Variants in ACTL6A observed in about 807,000 individuals in gnomAD.
ACTL6A encodes actin-like protein 6A.
Under a neutral mutation model 59.2 loss-of-function variants are expected in ACTL6A, and 5 were observed. That is an observed-to-expected ratio of 0.08 (90% CI 0.04 to 0.18). ACTL6A has a LOEUF of 0.18. Among genes scored for constraint, ACTL6A ranks in the 10% least tolerant of loss-of-function variants. ACTL6A has a pLI of 1.00. For missense variants in ACTL6A, 285 were observed against 526.9 expected (o/e 0.54, Z 4.49); for synonymous variants, 154 against 171.8 (o/e 0.90, Z 0.81).
chr3:179,580,776 G>A (rs1718313011), intron 9 of ACTL6A, 75 bp downstream of exon 9: 2 of 1,364,594 alleles, frequency 1.5e-6, no homozygotes, highest in African/African-American at 3.0e-5. Flanking sequence ...ATTGAATAAT[G>A]TTTAAAATAT....
intron 4 of ACTL6A, among the ~76,000 whole-genome samples, chr3:179,573,948 T>C (rs971835579): frequency 2.6e-5 from 4 of 152,212 alleles, no homozygotes; most frequent in Admixed American, 6.5e-5. Flanking sequence ...GGTCATAAAT[T>C]ATCAGTATCT....
intron 1 of ACTL6A, 121 bp downstream of exon 1, chr3:179,563,238 C>T: frequency 7.6e-6 from 11 of 1,444,778 alleles, no homozygotes; most frequent in South Asian, 2.7e-5. Context: ...GGACCCCGGC[C>T]TCCCCGCCCC....
chr3:179,580,011 G>A (rs187408439), intron 8 of ACTL6A, among the ~76,000 whole-genome samples: 1 of 152,230 alleles, frequency 6.6e-6, no homozygotes, highest in Admixed American at 6.5e-5. Flanking sequence ...GGCCTCAAGC[G>A]ATCCTCCTGT....
chr3:179,582,085 T>C (rs1378366790), intron 11 of ACTL6A, among the ~76,000 whole-genome samples: 2 of 152,250 alleles, frequency 1.3e-5, no homozygotes, highest in African/African-American at 4.8e-5. Flanking sequence ...AATCATACTT[T>C]ATTTTACCTT....
chr3:179,563,313 T>A, intron 1 of ACTL6A, 196 bp downstream of exon 1: 2 of 936,686 alleles, frequency 2.1e-6, no homozygotes, highest in Non-Finnish European at 3.1e-6. Context: ...TCGGGCTCCC[T>A]GAAGTGGCGG....
chr3:179,567,493 A>G (rs1054573894), intron 1 of ACTL6A, among the ~76,000 whole-genome samples: 2 of 152,238 alleles, frequency 1.3e-5, no homozygotes, highest in Non-Finnish European at 2.9e-5. Flanking sequence ...AGTCCACAAC[A>G]CTGTCATAAG....
rs188040826 is a variant in ACTL6A at position 179,566,924 on chromosome 3, C to T, written c.26-2900C>T. Among the ~76,000 whole-genome samples, 1,022 of 151,708 alleles carry T rather than the reference C, an allele frequency of 6.7e-3. 8 individuals carry two copies. The highest frequency in any genetic ancestry group is 0.01 in the Non-Finnish European group (700 of 67,914). On this transcript the variant is annotated intron_variant, in intron 1 of 13. Coordinates refer to ENST00000429709, the MANE Select transcript of ACTL6A (RefSeq NM_004301.5). ...CAGGATGGTCTTGATCTCCTGACCTCGTAATCTGCCCGCCTCTGCCTCCCA... is the reference window on the plus strand; with the variant it reads ...CAGGATGGTCTTGATCTCCTGACCTTGTAATCTGCCCGCCTCTGCCTCCCA...
Position 179,580,999 on chromosome 3 carries a change from C to T in ACTL6A, c.936C>T (p.Ser312=). ...LKIPEGLFDP[S]NVKGLSGNTM... is the part of the protein sequence containing the mutation. ...TTCCAGAAGGATTATTTGACCCTTC[C>T]AATGTAAAGGTATAAAAGCTTATTT... Residue 312 remains serine, a synonymous_variant, in exon 10 of 14, where the codon TCC becomes TCT. Coordinates refer to ENST00000429709, the MANE Select transcript of ACTL6A (RefSeq NM_004301.5). The T allele has an allele frequency of 1.3e-6, 2 of 1,590,278 alleles. No individual in the cohort carries two copies. The highest frequency in any genetic ancestry group is 1.7e-6 in the Non-Finnish European group (2 of 1,174,020).
At chr3:179,579,192 A>C (rs974548299) in intron 8 of ACTL6A, among the ~76,000 whole-genome samples, 102 of 151,970 alleles carry the variant, frequency 6.7e-4, no homozygotes, top group African/African-American at 2.4e-3. Context: ...TTTCTTTTGA[A>C]GTGTCTATTA....
At chr3:179,576,434 G>T in intron 6 of ACTL6A, 123 bp downstream of exon 6, 1 of 867,642 alleles carries the variant, frequency 1.2e-6, no homozygotes, top group Non-Finnish European at 1.7e-6. Flanking sequence ...TTTTTTTTAA[G>T]TATGTTAAAA....
rs1285779181 is a variant in ACTL6A at position 179,570,537 on chromosome 3, G to C, written c.277+296G>C. On this transcript the variant is annotated intron_variant, in intron 3 of 13. Transcript: ENST00000429709. This position sits in a 1 kb window ranked among gnomAD's most constrained non-coding sequence, Gnocchi z 4.3. ...ATGAGCAATGGGATTAGAGAGGAGA[G>C]GTATTTGACTCTAGTGTTGGGAGTC... 4.7e-6 allele frequency: 1 copy of C among 211,410 alleles called. No homozygotes were observed. The highest frequency in any genetic ancestry group is 9.4e-6 in the Non-Finnish European group (1 of 106,346). The allele number at this position is 211,410 out of a possible 1,614,324, so 13.1% of individuals were successfully genotyped here.
intron 13 of ACTL6A, 131 bp from the exon 14 acceptor site, chr3:179,587,799 A>G: frequency 1.5e-6 from 1 of 647,770 alleles, no homozygotes; most frequent in Non-Finnish European, 2.6e-6. Context: ...TCGAGGTTGT[A>G]AGCTACAATC....
At chr3:179,569,932 T>C (rs775345537) in intron 2 of ACTL6A, 32 bp downstream of exon 2, 1 of 1,598,090 alleles carries the variant, frequency 6.3e-7, no homozygotes, top group East Asian at 2.2e-5. Context: ...ATTGGATATG[T>C]AAAGCCATTC....
At chr3:179,566,368 C>T (rs1360563553) in intron 1 of ACTL6A, among the ~76,000 whole-genome samples, 2 of 152,100 alleles carry the variant, frequency 1.3e-5, no homozygotes, top group African/African-American at 4.8e-5. Context: ...GTGGCCTTCC[C>T]AAAGTTTCCA....
rs368001127 is a variant in ACTL6A at position 179,574,184 on chromosome 3, CT to C, written c.379-185del. 3.2e-4 allele frequency among the ~76,000 whole-genome samples: 48 copies of C among 152,066 alleles called. No individual in the cohort carries two copies. In the East Asian group the frequency reaches 4.1e-3, roughly 13 times the overall value. On this transcript the variant is annotated intron_variant, in intron 4 of 13. Transcript: ENST00000429709. ...TAGATTTATTAAATTTAATCTACAT[CT>C]AAAGAAATAAATATTATAGAGGTTT...
At chr3:179,585,994 T>C (rs555831138) in intron 12 of ACTL6A, among the ~76,000 whole-genome samples, 7 of 152,088 alleles carry the variant, frequency 4.6e-5, no homozygotes, top group Admixed American at 1.3e-4. Context: ...AGTTAGAAGG[T>C]TGGGGAGGAC....
chr3:179,580,273 A>G (rs1308521165), intron 8 of ACTL6A, among the ~76,000 whole-genome samples: 1 of 152,230 alleles, frequency 6.6e-6, no homozygotes, highest in Non-Finnish European at 1.5e-5. Flanking sequence ...GTACATGCAC[A>G]TGTGTATATG....
chr3:179,563,794 A>G (rs1386086846), intron 1 of ACTL6A, among the ~76,000 whole-genome samples: 1 of 152,132 alleles, frequency 6.6e-6, no homozygotes, highest in Non-Finnish European at 1.5e-5. Flanking sequence ...GGATGCCCAG[A>G]AAGTTTGCTG....
At position 179,580,714 on chromosome 3, in the gene ACTL6A, A is replaced by C; in HGVS notation, c.830+13A>C. 6.4e-7 allele frequency: 1 copy of C among 1,558,740 alleles called. No homozygotes were observed. Among genetic ancestry groups the C allele is most frequent in the Non-Finnish European group, 8.8e-7 (1 of 1,139,402 alleles). ...CTTATGATGAACAGTATGTTTTCTTATTAAAATGTATACTTTATAAATGAG... is the reference window on the plus strand; with the variant it reads ...CTTATGATGAACAGTATGTTTTCTTCTTAAAATGTATACTTTATAAATGAG... On this transcript the variant is annotated intron_variant, in intron 9 of 13. Transcript: ENST00000429709.
Sources: gnomAD v4.1 joint callset for allele counts (sites outside exome capture counted in the v4.1 genomes callset) on GRCh38, gnomAD v4.1.1 for gene constraint, Gnocchi (gnomAD v3.1) non-coding constraint, MANE v1.5 for transcripts, NCBI Gene and HGNC (gene_info 2026-07-23, HGNC 2026-07-21) for gene names.